The following MNAT1 variants were observed in gnomAD, a reference collection of about 807,000 sequenced individuals.
The protein encoded by MNAT1 is CDK-activating kinase assembly factor MAT1.
MNAT1 carries 43 observed loss-of-function variants against 42.0 expected under a neutral mutation model. The ratio of observed to expected loss-of-function variants is 1.02; its 90% CI spans 0.80 to 1.32. The LOEUF is 1.32. Ranked by LOEUF, MNAT1 falls within the 40% of genes most tolerant of loss-of-function variation. The pLI is 0.00. For synonymous variants in MNAT1, 118 were observed against 120.0 expected (o/e 0.98, Z 0.11); for missense variants, 306 against 350.4 (o/e 0.87, Z 1.01).
chr14:60,758,492 G>A (rs1206824646), intron 1 of MNAT1, among the ~76,000 whole-genome samples: 2 of 151,704 alleles, frequency 1.3e-5, no homozygotes, highest in Non-Finnish European at 2.9e-5. Flanking sequence ...TGTGAGCCAC[G>A]TTGCCTGGTC....
intron 6 of MNAT1, among the ~76,000 whole-genome samples, chr14:60,828,344 A>G (rs2033112997): frequency 6.6e-6 from 1 of 152,216 alleles, no homozygotes; most frequent in Non-Finnish European, 1.5e-5. Flanking sequence ...GTATAGATAC[A>G]AATAAAAACT....
At chr14:60,783,983 CCAGCTAA>C (rs1298848184) in intron 1 of MNAT1, among the ~76,000 whole-genome samples, 2 of 151,960 alleles carry the variant, frequency 1.3e-5, no homozygotes, top group African/African-American at 2.4e-5. Context: ...GCCACTATGC[CCAGCTAA>C]TTTACTTTTA....
At chr14:60,771,338 C>T (rs2031045628) in intron 1 of MNAT1, among the ~76,000 whole-genome samples, 2 of 151,882 alleles carry the variant, frequency 1.3e-5, no homozygotes, top group Admixed American at 1.3e-4. Context: ...GTTTCTGTTT[C>T]CTCTTCTGTT....
intron 7 of MNAT1, among the ~76,000 whole-genome samples, chr14:60,889,098 A>C (rs1287841997): frequency 6.7e-6 from 1 of 148,854 alleles, no homozygotes; most frequent in African/African-American, 2.4e-5. Context: ...GAAAAAACTT[A>C]CTTTAAAGTT....
intron 3 of MNAT1, chr14:60,799,120 A>T (rs947365171): frequency 7.7e-6 from 3 of 389,674 alleles, no homozygotes; most frequent in Non-Finnish European, 1.0e-5. Context: ...CTTTTCTCAT[A>T]TGTCTAAGTT....
intron 1 of MNAT1, among the ~76,000 whole-genome samples, chr14:60,767,574 T>G (rs1240798544): frequency 6.7e-6 from 1 of 148,778 alleles, no homozygotes; most frequent in Non-Finnish European, 1.5e-5. Context: ...AACAGTTCAG[T>G]TTTTTTTTTA....
intron 6 of MNAT1, among the ~76,000 whole-genome samples, chr14:60,830,787 A>C (rs867781489): frequency 6.9e-6 from 1 of 145,656 alleles, no homozygotes; most frequent in South Asian, 2.1e-4. Context: ...GGTCCTCACC[A>C]CTTCTTCTGC....
intron 6 of MNAT1, among the ~76,000 whole-genome samples, chr14:60,865,631 A>T (rs1017296969): frequency 2.0e-5 from 3 of 152,124 alleles, no homozygotes; most frequent in Non-Finnish European, 4.4e-5. Flanking sequence ...CAAGCATCAG[A>T]GAAATAATGT....
chr14:60,796,105 A>G, intron 1 of MNAT1, 112 bp from the exon 2 acceptor site: 1 of 855,804 alleles, frequency 1.2e-6, no homozygotes, highest in South Asian at 3.6e-5. Flanking sequence ...TTTTAAATAG[A>G]AGTGACTAGT....
At chr14:60,855,171 C>G (rs1369862384) in intron 6 of MNAT1, among the ~76,000 whole-genome samples, 2 of 152,176 alleles carry the variant, frequency 1.3e-5, no homozygotes, top group Admixed American at 6.5e-5. Flanking sequence ...CCGCACCAAG[C>G]TCGACTGACC....
chr14:60,908,920 C>T (rs1025549386), intron 7 of MNAT1, among the ~76,000 whole-genome samples: 1 of 152,184 alleles, frequency 6.6e-6, no homozygotes, highest in Admixed American at 6.5e-5. Flanking sequence ...AATGGTTGAA[C>T]TGGTTTACAG....
chr14:60,916,055 G>A (rs1203861228), intron 7 of MNAT1, among the ~76,000 whole-genome samples: 2 of 152,132 alleles, frequency 1.3e-5, no homozygotes, highest in Non-Finnish European at 1.5e-5. Context: ...CATGAAGCAG[G>A]TCTTCTTCCT....
At position 60,864,642 on chromosome 14, in the gene MNAT1, C is replaced by G. The variant is rs564129479; in HGVS notation, c.688-15072C>G. On this transcript the variant is annotated intron_variant, in intron 6 of 7. Coordinates refer to ENST00000261245, the MANE Select transcript of MNAT1 (RefSeq NM_002431.4). ...GCACTGTTAGTAATCCATTCCATAT[C>G]TGCCTGACTTTAATAAAAGACAATT... Among the ~76,000 whole-genome samples, 6 of 152,148 alleles carry G rather than the reference C, an allele frequency of 3.9e-5. No individual in the cohort carries two copies. In the East Asian group the frequency reaches 9.6e-4, roughly 24 times the overall value.
Position 60,941,972 on chromosome 14 carries a change from C to G in MNAT1, c.810-26257C>G, listed in dbSNP as rs539667785. ...TGAGCCGAGATCGCACCACTGTACTCCAGCCTGGGCGACAGAATGAGGCTC... is the reference window on the plus strand; with the variant it reads ...TGAGCCGAGATCGCACCACTGTACTGCAGCCTGGGCGACAGAATGAGGCTC... On this transcript the variant is annotated intron_variant, in intron 7 of 7. Coordinates refer to ENST00000261245, the MANE Select transcript of MNAT1 (RefSeq NM_002431.4). 1.3e-4 allele frequency among the ~76,000 whole-genome samples: 16 copies of G among 127,502 alleles called. No individual in the cohort carries two copies. The South Asian group carries it at 4.0e-3, about 32-fold the overall frequency. The allele number at this position is 127,502 out of a possible 152,430, so 83.6% of individuals were successfully genotyped here. A position where few individuals can be genotyped will look rare whatever the true frequency, so the allele number is the denominator to read the frequency against.
intron 6 of MNAT1, among the ~76,000 whole-genome samples, chr14:60,852,295 C>G (rs2033843429): frequency 6.6e-6 from 1 of 152,074 alleles, no homozygotes. Context: ...TGATAATGAG[C>G]CTTTTTTAAT....
intron 7 of MNAT1, among the ~76,000 whole-genome samples, chr14:60,952,245 G>A (rs143694747): frequency 9.9e-5 from 15 of 152,252 alleles, no homozygotes; most frequent in African/African-American, 3.4e-4. Flanking sequence ...AAGGTGGGTT[G>A]GAATCAAGTA....
At chr14:60,935,615 T>C (rs2035979075) in intron 7 of MNAT1, among the ~76,000 whole-genome samples, 1 of 152,120 alleles carries the variant, frequency 6.6e-6, no homozygotes, top group Admixed American at 6.5e-5. Flanking sequence ...TGTTTGGACA[T>C]TGTGAAAAAT....
intron 7 of MNAT1, among the ~76,000 whole-genome samples, chr14:60,954,498 G>T (rs769865122): frequency 6.6e-6 from 1 of 151,968 alleles, no homozygotes; most frequent in African/African-American, 2.4e-5. Context: ...GTTTGTTTTG[G>T]TAGCTATTGT....
At chr14:60,928,047 GA>G (rs917566650) in intron 7 of MNAT1, among the ~76,000 whole-genome samples, 9 of 152,152 alleles carry the variant, frequency 5.9e-5, no homozygotes, top group African/African-American at 2.2e-4. Flanking sequence ...CCCATCACCA[GA>G]CTTGGGCAAC....
Sources: gnomAD v4.1 joint callset for allele counts (sites outside exome capture counted in the v4.1 genomes callset) on GRCh38, gnomAD v4.1.1 for gene constraint, MANE v1.5 for transcripts, NCBI Gene and HGNC (gene_info 2026-07-23, HGNC 2026-07-21) for gene names.